Variants in ASTN2 observed in about 807,000 individuals in gnomAD.
ASTN2 encodes the protein astrotactin-2.
In ASTN2, 54 loss-of-function variants were observed where a neutral mutation model predicts 139.8. That is an observed-to-expected ratio of 0.39 (90% CI 0.31 to 0.48). The LOEUF is 0.48. Among genes scored for constraint, ASTN2 ranks in the 20% least tolerant of loss-of-function variants. The pLI, the probability that ASTN2 is intolerant of heterozygous loss-of-function variation, is 0.95. For synonymous variants in ASTN2, 756 were observed against 719.5 expected, an observed-to-expected ratio of 1.05 and a Z score of -0.81; for missense variants, 1,565 against 1,725.1, an observed-to-expected ratio of 0.91 and a Z score of 1.64.
intron 10 of ASTN2, among the ~76,000 whole-genome samples, chr9:116,942,057 T>C (rs887030292): frequency 5.4e-5 from 8 of 147,932 alleles, no homozygotes; most frequent in Non-Finnish European, 3.0e-5. Flanking sequence ...AAGTAAAATA[T>C]GTATGTGCAT....
rs1346529655 is a variant in ASTN2 at position 116,902,355 on chromosome 9, A to G, written c.1890-38622T>C. ...ATAGAATAAACATATAAAGAAAGAA[A>G]ATATTTTTGTACAGCTGTACAATGT... On this transcript the variant is annotated intron_variant, in intron 10 of 22. Transcript: ENST00000313400. Among the ~76,000 whole-genome samples the G allele has an allele frequency of 2.0e-5, 3 of 152,194 alleles. No homozygotes were observed. The East Asian group carries it at 5.8e-4, about 29-fold the overall frequency.
At chr9:116,743,690 AC>A (rs1476978193) in intron 13 of ASTN2, among the ~76,000 whole-genome samples, 1 of 152,142 alleles carries the variant, frequency 6.6e-6, no homozygotes, top group Non-Finnish European at 1.5e-5. Context: ...TTTAGTAGAG[AC>A]GGGGTTTCAC....
intron 19 of ASTN2, chr9:116,547,646 G>C (rs1852156820): frequency 1.3e-5 from 2 of 152,180 alleles, no homozygotes; most frequent in Non-Finnish European, 2.9e-5. Flanking sequence ...ACCTGTATCA[G>C]TTATACAGAA....
chr9:116,869,356 A>G (rs949636151), intron 10 of ASTN2, among the ~76,000 whole-genome samples: 2 of 152,182 alleles, frequency 1.3e-5, no homozygotes, highest in African/African-American at 2.4e-5. Flanking sequence ...GCAATTCCAC[A>G]GGGCACAGGG....
chr9:117,080,679 G>T (rs138382824), intron 5 of ASTN2, among the ~76,000 whole-genome samples: 1 of 152,082 alleles, frequency 6.6e-6, no homozygotes, highest in African/African-American at 2.4e-5. Flanking sequence ...TAAAAACAAT[G>T]AGCATACCAC....
intron 1 of ASTN2, among the ~76,000 whole-genome samples, chr9:117,312,118 A>G (rs1008278073): frequency 1.3e-5 from 2 of 152,178 alleles, no homozygotes; most frequent in Admixed American, 1.3e-4. Flanking sequence ...CTAGACACAT[A>G]TCAGCTATTA....
intron 10 of ASTN2, among the ~76,000 whole-genome samples, chr9:116,966,640 G>A (rs59731693): frequency 0.054 from 8,212 of 151,448 alleles, 348 homozygotes; most frequent in African/African-American, 0.12. Flanking sequence ...CATAGAGTAC[G>A]TCCACCTGGG....
At chr9:117,203,773 C>T (rs756920700) in intron 3 of ASTN2, among the ~76,000 whole-genome samples, 27 of 152,248 alleles carry the variant, frequency 1.8e-4, no homozygotes, top group Non-Finnish European at 3.4e-4. Flanking sequence ...CAACCTGATG[C>T]CAGTAGGTTC....
At chr9:117,317,234 G>A (rs565590839) in intron 1 of ASTN2, among the ~76,000 whole-genome samples, 4 of 152,158 alleles carry the variant, frequency 2.6e-5, no homozygotes, top group Admixed American at 2.6e-4. Flanking sequence ...GAATAGCTTT[G>A]CACTTCCTGA....
intron 13 of ASTN2, among the ~76,000 whole-genome samples, chr9:116,785,389 T>C (rs189299108): frequency 6.6e-6 from 1 of 152,310 alleles, no homozygotes; most frequent in Non-Finnish European, 1.5e-5. Context: ...TGAACTGGTA[T>C]ATCCTACTGG....
chr9:116,885,573 G>A (rs1234375441), intron 10 of ASTN2, among the ~76,000 whole-genome samples: 2 of 152,164 alleles, frequency 1.3e-5, no homozygotes, highest in Non-Finnish European at 2.9e-5. Flanking sequence ...GGCTGAGGCA[G>A]GGGAATCTCT....
intron 2 of ASTN2, among the ~76,000 whole-genome samples, chr9:117,228,191 A>G (rs1273717409): frequency 6.7e-6 from 1 of 149,996 alleles, no homozygotes; most frequent in Non-Finnish European, 1.5e-5. Context: ...TTATAGAGTA[A>G]TTTACACCCA....
At chr9:117,178,937 C>T (rs1830986406) in intron 3 of ASTN2, among the ~76,000 whole-genome samples, 1 of 152,218 alleles carries the variant, frequency 6.6e-6, no homozygotes, top group African/African-American at 2.4e-5. Context: ...GAGCTCCCTC[C>T]AGCCCTCTCA....
chr9:116,772,667 G>A (rs776562867), intron 13 of ASTN2, among the ~76,000 whole-genome samples: 16 of 152,130 alleles, frequency 1.1e-4, no homozygotes, highest in Non-Finnish European at 4.4e-5. Flanking sequence ...GGTTCACTAT[G>A]GGTTACAATG....
rs193057671 is a variant in ASTN2, at chr9:117,165,824, T to C, written c.1016-24346A>G. ...TAATACCACCTCCCTATAAAATTGG[T>C]TGTATGGTGAAATGAGGAACTAAAT... On this transcript the variant is annotated intron_variant, in intron 3 of 22. Transcript: ENST00000313400. 1.4e-4 allele frequency among the ~76,000 whole-genome samples: 21 copies of C among 152,184 alleles called. No individual in the cohort carries two copies. The East Asian group carries it at 4.1e-3, about 30-fold the overall frequency.
intron 19 of ASTN2, among the ~76,000 whole-genome samples, chr9:116,498,708 A>C (rs1791797380): frequency 6.6e-6 from 1 of 152,214 alleles, no homozygotes; most frequent in Admixed American, 6.5e-5. Context: ...ATGTCAGTAG[A>C]TGTTGCTAAG....
chr9:116,462,923 A>T (rs1029211108), intron 20 of ASTN2, among the ~76,000 whole-genome samples: 1 of 151,990 alleles, frequency 6.6e-6, no homozygotes, highest in Non-Finnish European at 1.5e-5. Context: ...TTGGATGTCC[A>T]AAGACATCTT....
chr9:117,329,791 A>AT (rs1828643079), intron 1 of ASTN2, among the ~76,000 whole-genome samples: 1 of 152,206 alleles, frequency 6.6e-6, no homozygotes, highest in Admixed American at 6.5e-5. Flanking sequence ...AATAGCTACC[A>AT]TTTATTGTTT....
intron 12 of ASTN2, among the ~76,000 whole-genome samples, chr9:116,811,270 A>G (rs1203235239): frequency 1.3e-5 from 2 of 152,068 alleles, no homozygotes; most frequent in Non-Finnish European, 2.9e-5. Context: ...TTGCTTCTTA[A>G]TAAATGTCTT....
Sources: gnomAD v4.1 joint callset for allele counts (sites outside exome capture counted in the v4.1 genomes callset) on GRCh38, gnomAD v4.1.1 for gene constraint, MANE v1.5 for transcripts, NCBI Gene and HGNC (gene_info 2026-07-23, HGNC 2026-07-21) for gene names.